SEC24D: variants seen among roughly 807,000 people sequenced by gnomAD.
The protein encoded by SEC24D is protein transport protein Sec24D.
A neutral mutation model predicts 116.9 loss-of-function variants in SEC24D; 69 were observed. That is an observed-to-expected ratio of 0.59 (90% CI 0.49 to 0.72). The LOEUF is 0.72. Among genes scored for constraint, SEC24D ranks in the 30% least tolerant of loss-of-function variants. The pLI is 0.00. For missense variants in SEC24D, 1,131 were observed against 1,264.1 expected (o/e 0.89, Z 1.60); for synonymous variants, 405 against 442.8 (o/e 0.91, Z 1.07).
At chr4:118,778,466 ATC>A (rs1728249389) in intron 8 of SEC24D, among the ~76,000 whole-genome samples, 1 of 152,096 alleles carries the variant, frequency 6.6e-6, no homozygotes, top group Non-Finnish European at 1.5e-5. Context: ...ACTGGTCTAT[ATC>A]TCTGTTTTGG....
At chr4:118,755,176 G>A (rs547413205) in intron 11 of SEC24D, among the ~76,000 whole-genome samples, 3 of 151,924 alleles carry the variant, frequency 2.0e-5, no homozygotes, top group East Asian at 3.9e-4. Context: ...TTTCTTCAAC[G>A]GTGTAACTGC....
chr4:118,778,819 T>A (rs1264829508), intron 8 of SEC24D, among the ~76,000 whole-genome samples: 1 of 152,198 alleles, frequency 6.6e-6, no homozygotes, highest in East Asian at 1.9e-4. Flanking sequence ...GTCCTTCACA[T>A]CCCTTGTAAG....
rs28627331 is a variant in SEC24D at position 118,744,190 on chromosome 4, T to G, written c.1825-32A>C. On this transcript the variant is annotated intron_variant, in intron 14 of 22. Transcript: ENST00000280551. ...AAAAGATGCAAAAAAAAAGAAAAAA[T>G]AAAAATTACAAAATGTTTTTGGTTT... The G allele has an allele frequency of 2.6e-3, 3,798 of 1,486,706 alleles. 61 individuals are homozygous for G. The African/African-American group carries it at 0.045, about 17-fold the overall frequency. 92.1% of individuals were successfully genotyped at this position (1,486,706 alleles called of 1,614,324 possible). A position where few individuals can be genotyped will look rare whatever the true frequency, so the allele number is the denominator to read the frequency against.
intron 7 of SEC24D, among the ~76,000 whole-genome samples, chr4:118,799,973 A>G (rs967479194): frequency 6.6e-6 from 1 of 152,194 alleles, no homozygotes; most frequent in Non-Finnish European, 1.5e-5. Context: ...CATTCTGTAG[A>G]AAGAAAAATA....
intron 15 of SEC24D, 122 bp downstream of exon 15, chr4:118,743,866 C>G: frequency 1.1e-6 from 1 of 881,172 alleles, no homozygotes; most frequent in South Asian, 2.3e-5. Context: ...TGTTTTCCAT[C>G]TGCTCTTGAA....
At position 118,752,099 on chromosome 4, in the gene SEC24D, A is replaced by T. The variant is rs1404593679; in HGVS notation, c.1614-10T>A. ...AATCTGGTCCAACAAACTATAAGAC[A>T]TGAGTAAGCAAAAGGTTTGAAATGT... On this transcript the variant is annotated splice_polypyrimidine_tract_variant and intron_variant, in intron 12 of 22. Coordinates refer to ENST00000280551, the MANE Select transcript of SEC24D (RefSeq NM_014822.4). The T allele has an allele frequency of 6.5e-7, 1 of 1,535,438 alleles. No individual in the cohort carries two copies. Among genetic ancestry groups the T allele is most frequent in the Admixed American group, 1.7e-5 (1 of 57,236 alleles).
At chr4:118,796,570 G>C (rs1465259528) in intron 8 of SEC24D, among the ~76,000 whole-genome samples, 1 of 152,202 alleles carries the variant, frequency 6.6e-6, no homozygotes, top group African/African-American at 2.4e-5. Context: ...AGGACAGTGA[G>C]TGAAGATCCC....
intron 3 of SEC24D, among the ~76,000 whole-genome samples, chr4:118,821,189 A>G (rs1730386399): frequency 6.6e-6 from 1 of 152,214 alleles, no homozygotes; most frequent in Non-Finnish European, 1.5e-5. Context: ...TGAAGAAAAA[A>G]CAACTACTTC....
Position 118,723,353 on chromosome 4 carries a change from A to T in SEC24D, c.*162T>A. 1 of 633,770 alleles carries T rather than the reference A, an allele frequency of 1.6e-6. No individual in the cohort carries two copies. The highest frequency in any genetic ancestry group is 2.7e-6 in the Non-Finnish European group (1 of 377,296). The allele number at this position is 633,770 out of a possible 1,614,324, so 39.3% of individuals were successfully genotyped here. A position where few individuals can be genotyped will look rare whatever the true frequency, so the allele number is the denominator to read the frequency against. ...ACAATTGTACCTTAATTGGCTTTAT[A>T]CCTGAGCACCAAAGCTGAAGTTCTA... is the stretch of plus-strand genomic sequence containing the variant. On this transcript the variant is annotated 3_prime_UTR_variant, in exon 23 of 23. Coordinates refer to ENST00000280551, the MANE Select transcript of SEC24D (RefSeq NM_014822.4).
At chr4:118,791,734 CG>C (rs1346616418) in intron 8 of SEC24D, among the ~76,000 whole-genome samples, 2 of 152,176 alleles carry the variant, frequency 1.3e-5, no homozygotes, top group South Asian at 2.1e-4. Flanking sequence ...CCGTGCTGGC[CG>C]GGCTGGTCTC....
At chr4:118,804,385 G>A (rs1465434919) in intron 7 of SEC24D, among the ~76,000 whole-genome samples, 3 of 152,122 alleles carry the variant, frequency 2.0e-5, no homozygotes, top group Non-Finnish European at 4.4e-5. Flanking sequence ...GAAAGACGAT[G>A]AGATTGGTAT....
At position 118,745,079 on chromosome 4, in the gene SEC24D, C is replaced by T; in HGVS notation, c.1708-19G>A. ...CTGCTGCCTAAAAAAAAAAAAAAAC[C>T]CAAAAACCCACAGAAAATGCCGTGA... On this transcript the variant is annotated intron_variant, in intron 13 of 22. Coordinates refer to ENST00000280551, the MANE Select transcript of SEC24D (RefSeq NM_014822.4). 1 of 1,186,292 alleles carries T rather than the reference C, an allele frequency of 8.4e-7. No individual in the cohort carries two copies. Among genetic ancestry groups the T allele is most frequent in the South Asian group, 1.3e-5 (1 of 76,360 alleles). 73.5% of individuals were successfully genotyped at this position (1,186,292 alleles called of 1,614,324 possible).
intron 19 of SEC24D, among the ~76,000 whole-genome samples, chr4:118,737,605 T>A (rs2110437039): frequency 6.6e-6 from 1 of 152,290 alleles, no homozygotes; most frequent in Middle Eastern, 3.4e-3. Context: ...TACACAGCTA[T>A]AAAAAATGCC....
At chr4:118,758,710 A>T (rs1334024950) in intron 10 of SEC24D, 2 of 152,184 alleles carry the variant, frequency 1.3e-5, no homozygotes, top group Non-Finnish European at 2.9e-5. Flanking sequence ...TTGTATTTTA[A>T]TTATTTTAAA....
intron 8 of SEC24D, among the ~76,000 whole-genome samples, chr4:118,795,107 A>C (rs960807384): frequency 1.3e-5 from 2 of 152,052 alleles, no homozygotes; most frequent in African/African-American, 4.8e-5. Flanking sequence ...TGGATTGTTT[A>C]TGTTTTACTT....
chr4:118,776,097 G>A (rs1034055998), intron 8 of SEC24D, among the ~76,000 whole-genome samples: 4 of 145,438 alleles, frequency 2.8e-5, no homozygotes, highest in South Asian at 2.4e-4. Context: ...TTAGGGAGGG[G>A]AAAACTGAAG....
chr4:118,739,296 G>T lies in SEC24D; in HGVS notation c.2239-9C>A. On this transcript the variant is annotated splice_polypyrimidine_tract_variant and intron_variant, in intron 17 of 22. Coordinates refer to ENST00000280551, the MANE Select transcript of SEC24D (RefSeq NM_014822.4). The stretch of plus-strand genomic sequence containing the variant: ...GTGTAAAGCACAGCACACTGTAGAA[G>T]CAACATTGAGGTCACATGTTTTTCT... The T allele has an allele frequency of 6.2e-7, 1 of 1,607,592 alleles. No individual in the cohort carries two copies. The highest frequency in any genetic ancestry group is 1.1e-5 in the South Asian group (1 of 90,230).
At chr4:118,784,345 C>T (rs1328380997) in intron 8 of SEC24D, among the ~76,000 whole-genome samples, 1 of 152,002 alleles carries the variant, frequency 6.6e-6, no homozygotes, top group East Asian at 1.9e-4. Flanking sequence ...AAATATGAAA[C>T]ATTTTCTATG....
At chr4:118,736,549 ATAT>A (rs1560611769) in intron 19 of SEC24D, 1 of 330,014 alleles carries the variant, frequency 3.0e-6, no homozygotes, top group South Asian at 2.6e-5. Context: ...ATCTTCATAG[ATAT>A]TATTTTTCAC....
Sources: gnomAD v4.1 joint callset for allele counts (sites outside exome capture counted in the v4.1 genomes callset) on GRCh38, gnomAD v4.1.1 for gene constraint, MANE v1.5 for transcripts, NCBI Gene and HGNC (gene_info 2026-07-23, HGNC 2026-07-21) for gene names.